The following COPS2 variants were observed in gnomAD, a reference collection of about 807,000 sequenced individuals.
COPS2 encodes the protein COP9 signalosome subunit 2.
Under a neutral mutation model 66.1 loss-of-function variants are expected in COPS2, and 10 were observed. The ratio of observed to expected loss-of-function variants is 0.15; its 90% CI spans 0.09 to 0.26. The LOEUF is 0.26. Among genes scored for constraint, COPS2 ranks in the 10% least tolerant of loss-of-function variants. The pLI is 1.00. For synonymous variants in COPS2, 179 were observed against 171.3 expected (o/e 1.04, Z -0.35); for missense variants, 215 against 513.3 (o/e 0.42, Z 5.62).
intron 4 of COPS2, chr15:49,137,997 A>C (rs2084265749): frequency 6.6e-6 from 1 of 152,302 alleles, no homozygotes; most frequent in Non-Finnish European, 1.5e-5. Flanking sequence ...GCTGGTGAAG[A>C]AACAAAGAAT....
chr15:49,145,169 AC>A, intron 1 of COPS2, 91 bp from the exon 2 acceptor site: 1 of 627,524 alleles, frequency 1.6e-6, no homozygotes, highest in Non-Finnish European at 2.7e-6. Context: ...AGACAGAAAA[AC>A]CACATATTTT....
chr15:49,139,425 TA>T, intron 4 of COPS2, 102 bp downstream of exon 4: 1 of 876,198 alleles, frequency 1.1e-6, no homozygotes, highest in Non-Finnish European at 1.8e-6. Context: ...CTAGCACAAC[TA>T]CTTAAATAGA....
At chr15:49,138,048 T>C (rs1438457772) in intron 4 of COPS2, among the ~76,000 whole-genome samples, 1 of 152,222 alleles carries the variant, frequency 6.6e-6, no homozygotes, top group Non-Finnish European at 1.5e-5. Flanking sequence ...TATGACTAAG[T>C]AACTCAACTG....
At chr15:49,132,285 A>C (rs1264228311) in intron 9 of COPS2, among the ~76,000 whole-genome samples, 2 of 152,022 alleles carry the variant, frequency 1.3e-5, no homozygotes, top group African/African-American at 4.8e-5. Context: ...AACAATAAAG[A>C]AACTGATTTA....
intron 6 of COPS2, among the ~76,000 whole-genome samples, chr15:49,136,599 T>C (rs183671114): frequency 1.1e-4 from 16 of 152,302 alleles, no homozygotes; most frequent in African/African-American, 3.8e-4. Flanking sequence ...ATCCTGGCTC[T>C]GTTTTCACAG....
chr15:49,140,854 T>C (rs1230472770), intron 3 of COPS2, among the ~76,000 whole-genome samples: 1 of 152,152 alleles, frequency 6.6e-6, no homozygotes, highest in African/African-American at 2.4e-5. Context: ...AAACTAATAA[T>C]GCTGCAATTA....
At chr15:49,141,152 C>T (rs892798457) in intron 3 of COPS2, among the ~76,000 whole-genome samples, 5 of 152,146 alleles carry the variant, frequency 3.3e-5, no homozygotes, top group African/African-American at 9.7e-5. Flanking sequence ...CAGAGAAATA[C>T]GACTATCCTA....
intron 1 of COPS2, among the ~76,000 whole-genome samples, chr15:49,152,104 T>G (rs908443748): frequency 2.0e-5 from 3 of 149,826 alleles, no homozygotes; most frequent in Admixed American, 6.6e-5. Flanking sequence ...CAAAAAACAA[T>G]ACATTTTTTA....
At chr15:49,145,969 T>G (rs1306933277) in intron 1 of COPS2, among the ~76,000 whole-genome samples, 2 of 152,138 alleles carry the variant, frequency 1.3e-5, no homozygotes, top group African/African-American at 2.4e-5. Context: ...TTAAGAATAG[T>G]ACCTGGAAAC....
chr15:49,151,399 CAAA>C (rs35587443), intron 1 of COPS2, among the ~76,000 whole-genome samples: 3 of 114,222 alleles, frequency 2.6e-5, no homozygotes, highest in Admixed American at 8.8e-5. Context: ...AACTCTGTCT[CAAA>C]AAAAAAAAAA....
At chr15:49,143,683 A>C (rs2084302819) in intron 3 of COPS2, among the ~76,000 whole-genome samples, 2 of 152,224 alleles carry the variant, frequency 1.3e-5, no homozygotes, top group African/African-American at 4.8e-5. Flanking sequence ...TGGAAAAGTC[A>C]ATCTATTAAT....
chr15:49,137,646 T>C lies in COPS2; in HGVS notation c.373-209A>G, dbSNP rs114573420. Reference sequence around the variant, plus strand: ...ACAAGTACCATGATGCGTTGTTTTATAGAACCCAGAAAATATTTCCCCATA... The same window carrying C: ...ACAAGTACCATGATGCGTTGTTTTACAGAACCCAGAAAATATTTCCCCATA... On this transcript the variant is annotated intron_variant, in intron 4 of 12. Transcript: ENST00000388901. The C allele has an allele frequency of 2.4e-3, 1,156 of 490,532 alleles. 12 individuals are homozygous for C. The highest frequency in any genetic ancestry group is 0.02 in the African/African-American group (1,048 of 51,206). The allele number at this position is 490,532 out of a possible 1,614,324, so 30.4% of individuals were successfully genotyped here. A position where few individuals can be genotyped will look rare whatever the true frequency, so the allele number is the denominator to read the frequency against.
chr15:49,134,137 G>T, intron 7 of COPS2, 29 bp from the exon 8 acceptor site: 1 of 1,569,384 alleles, frequency 6.4e-7, no homozygotes, highest in South Asian at 1.2e-5. Context: ...GAGAAAATAG[G>T]ACATTTTCAG....
intron 1 of COPS2, among the ~76,000 whole-genome samples, chr15:49,146,036 C>T (rs2084318845): frequency 6.6e-6 from 1 of 152,060 alleles, no homozygotes; most frequent in Non-Finnish European, 1.5e-5. Flanking sequence ...ATACAGGTAA[C>T]AAATTTCTTT....
At chr15:49,128,397 T>C (rs960348504) in intron 12 of COPS2, among the ~76,000 whole-genome samples, 12 of 152,216 alleles carry the variant, frequency 7.9e-5, no homozygotes, top group Non-Finnish European at 1.8e-4. Flanking sequence ...AGATACAATT[T>C]CAAAAATGTT....
In COPS2 at chr15:49,123,030, ACTTT is replaced by A. The variant is rs1446850903; in HGVS notation, c.*4916_*4919del. ...ATGTAACACATTGCAAAACCAAACA[ACTTT>A]CTATTTTCCATGTCATTGCTCCATT... On this transcript the variant is annotated 3_prime_UTR_variant, in exon 13 of 13. Transcript: ENST00000388901. The A allele has an allele frequency of 4.6e-5, 7 of 152,224 alleles. No individual in the cohort carries two copies. The South Asian group carries it at 6.2e-4, about 14-fold the overall frequency. 9.4% of individuals were successfully genotyped at this position (152,224 alleles called of 1,614,324 possible).
intron 3 of COPS2, among the ~76,000 whole-genome samples, chr15:49,142,990 A>T (rs368264104): frequency 1.3e-5 from 2 of 152,218 alleles, no homozygotes; most frequent in Non-Finnish European, 2.9e-5. Context: ...AAAGAAAAAG[A>T]GCAAAGAAGA....
At chr15:49,133,630 T>A in intron 9 of COPS2, 129 bp downstream of exon 9, 2 of 616,412 alleles carry the variant, frequency 3.2e-6, no homozygotes, top group African/African-American at 3.8e-5. Flanking sequence ...ATAAAAATTC[T>A]ACAAACTTTT....
At position 49,128,158 on chromosome 15, in the gene COPS2, T is replaced by A. The variant is rs992058645; in HGVS notation, c.1188-64A>T. The stretch of plus-strand genomic sequence containing the variant: ...TCATCAAGCACAGTTTCTGGATTAA[T>A]GTTTCATAAAATACAGTATCAACAA... On this transcript the variant is annotated intron_variant, in intron 12 of 12. Coordinates refer to ENST00000388901, the MANE Select transcript of COPS2 (RefSeq NM_004236.4). 27 of 1,520,656 alleles carry A rather than the reference T, an allele frequency of 1.8e-5. No homozygotes were observed. In the African/African-American group the frequency reaches 3.6e-4, roughly 20 times the overall value. The allele number at this position is 1,520,656 out of a possible 1,614,324, so 94.2% of individuals were successfully genotyped here.
Sources: gnomAD v4.1 joint callset for allele counts (sites outside exome capture counted in the v4.1 genomes callset) on GRCh38, gnomAD v4.1.1 for gene constraint, MANE v1.5 for transcripts, NCBI Gene and HGNC (gene_info 2026-07-23, HGNC 2026-07-21) for gene names.